The following SCAMP3 variants were observed in gnomAD, a reference collection of about 807,000 sequenced individuals.
SCAMP3 encodes the protein secretory carrier-associated membrane protein 3.
In SCAMP3, 30 loss-of-function variants were observed where a neutral mutation model predicts 44.1. That is an observed-to-expected ratio of 0.68 (90% CI 0.51 to 0.92). SCAMP3 has a LOEUF of 0.92. Among genes scored for constraint, SCAMP3 ranks in the 40% least tolerant of loss-of-function variants. The probability of loss-of-function intolerance (pLI) is 0.00; values close to 1 mark genes in which losing one functional copy is unlikely to be tolerated. For synonymous variants in SCAMP3, 168 were observed against 171.1 expected (o/e 0.98, Z 0.14); for missense variants, 394 against 440.0 (o/e 0.90, Z 0.93).
At chr1:155,256,519 C>T (rs1672801412) in intron 8 of SCAMP3, 100 bp from the exon 9 acceptor site, 5 of 1,408,334 alleles carry the variant, frequency 3.6e-6, no homozygotes, top group Non-Finnish European at 4.9e-6. Flanking sequence ...CTGCCCAGCA[C>T]ACACACTCAC....
chr1:155,257,892 T>G (rs1252691646), intron 5 of SCAMP3, among the ~76,000 whole-genome samples: 7 of 152,206 alleles, frequency 4.6e-5, no homozygotes, highest in Admixed American at 4.6e-4. Context: ...TCGCGCAGGC[T>G]GGAGTGCAGT....
In SCAMP3 at chr1:155,256,225, C is replaced by CT; in HGVS notation, c.*47dup. 1 of 1,511,836 alleles carries CT rather than the reference C, an allele frequency of 6.6e-7. No individual in the cohort carries two copies. Among genetic ancestry groups the CT allele is most frequent in the East Asian group, 2.3e-5 (1 of 43,308 alleles). 93.7% of individuals were successfully genotyped at this position (1,511,836 alleles called of 1,614,324 possible). A position where few individuals can be genotyped will look rare whatever the true frequency, so the allele number is the denominator to read the frequency against. On this transcript the variant is annotated 3_prime_UTR_variant, in exon 9 of 9. Coordinates refer to ENST00000302631, the MANE Select transcript of SCAMP3 (RefSeq NM_005698.4). ...GTCCCAGAGACCTTAGGGACGGGAGCTAAGTCAGCTCCCTCAAGTAGCAGG... is the reference window on the plus strand; with the variant it reads ...GTCCCAGAGACCTTAGGGACGGGAGCTTAAGTCAGCTCCCTCAAGTAGCAGG...
intron 1 of SCAMP3, 115 bp downstream of exon 1, chr1:155,261,971 G>C: frequency 9.3e-7 from 1 of 1,072,978 alleles, no homozygotes; most frequent in Non-Finnish European, 1.4e-6. Flanking sequence ...GTCACCCCAC[G>C]TGGCGGCTCT....
intron 5 of SCAMP3, among the ~76,000 whole-genome samples, chr1:155,257,886 G>C (rs572189271): frequency 5.3e-5 from 8 of 151,474 alleles, no homozygotes; most frequent in Non-Finnish European, 5.9e-5. Flanking sequence ...GCTCTGTCGC[G>C]CAGGCTGGAG....
chr1:155,259,753 C>T (rs763680286), intron 4 of SCAMP3, among the ~76,000 whole-genome samples: 47 of 152,274 alleles, frequency 3.1e-4, no homozygotes, highest in Non-Finnish European at 4.0e-4. Flanking sequence ...TTTAAAACAT[C>T]TAAGCACTGT....
At chr1:155,259,520 C>T (rs1220559790) in intron 4 of SCAMP3, among the ~76,000 whole-genome samples, 1 of 152,094 alleles carries the variant, frequency 6.6e-6, no homozygotes, top group Non-Finnish European at 1.5e-5. Context: ...TACCATCATG[C>T]CCTGCTAATT....
chr1:155,259,461 C>T (rs895316180), intron 4 of SCAMP3, among the ~76,000 whole-genome samples: 5 of 152,090 alleles, frequency 3.3e-5, no homozygotes, highest in South Asian at 2.1e-4. Context: ...TGAGCCCCGG[C>T]GCCTGGCCGT....
intron 1 of SCAMP3, 35 bp downstream of exon 1, chr1:155,262,051 T>C (rs2148125021): frequency 6.2e-7 from 1 of 1,604,842 alleles, no homozygotes; most frequent in East Asian, 2.2e-5. Context: ...AGAATCAACC[T>C]GACCGCCCAA....
chr1:155,257,459 C>T, intron 6 of SCAMP3, 39 bp downstream of exon 6: 2 of 1,611,890 alleles, frequency 1.2e-6, no homozygotes, highest in Non-Finnish European at 1.7e-6. Context: ...TGGGGCCCAT[C>T]CCAGGTCTCC....
At chr1:155,259,937 T>G (rs1557926315) in intron 4 of SCAMP3, among the ~76,000 whole-genome samples, 1 of 151,390 alleles carries the variant, frequency 6.6e-6, no homozygotes, top group Non-Finnish European at 1.5e-5. Context: ...GCAGTCTGAC[T>G]CCAGAGCCCA....
Position 155,257,651 on chromosome 1 carries a change from GT to G in SCAMP3, c.523del (p.Thr175ArgfsTer6). The G allele has an allele frequency of 6.4e-7, 1 of 1,557,932 alleles. No homozygotes were observed. Among genetic ancestry groups the G allele is most frequent in the South Asian group, 1.2e-5 (1 of 84,868 alleles). The part of the protein sequence containing the change: ...STMYYLWMCS[T>X]LALLLNFLAC... Reference sequence around the variant, plus strand: ...GAGGAAGTTCAGGAGAAGAGCCAGCGTGCTGCCTAAGGGGCAGAGGGACAGG... The same window carrying G: ...GAGGAAGTTCAGGAGAAGAGCCAGCGGCTGCCTAAGGGGCAGAGGGACAGG... On this transcript the variant is annotated frameshift_variant, in exon 6 of 9. Transcript: ENST00000302631. LOFTEE classifies it high-confidence loss of function.
At chr1:155,261,808 T>C in intron 1 of SCAMP3, 74 bp from the exon 2 acceptor site, 1 of 1,414,842 alleles carries the variant, frequency 7.1e-7, no homozygotes, top group South Asian at 1.1e-5. Context: ...ATTCCCAAAC[T>C]GCCTGTGGCT....
In SCAMP3 at chr1:155,261,672, AG is replaced by A. The variant is rs1557927531; in HGVS notation, c.128del (p.Pro43LeufsTer58). On this transcript the variant is annotated frameshift_variant, in exon 2 of 9. Transcript: ENST00000302631. LOFTEE classifies it high-confidence loss of function. ...AGTAGCTCACCTCCCGGGTCTCAAA[AG>A]GGTTGTAGACGTCAAGCGTGGCATA... ...RQYATLDVYN[P>X]FETREPPPAY... 5 of 1,613,754 alleles carry A rather than the reference AG, an allele frequency of 3.1e-6. No homozygotes were observed. The highest frequency in any genetic ancestry group is 8.5e-7 in the Non-Finnish European group (1 of 1,179,904).
intron 5 of SCAMP3, among the ~76,000 whole-genome samples, chr1:155,258,011 AT>A (rs61012301): frequency 0.37 from 52,153 of 139,310 alleles, 11,497 homozygotes; most frequent in East Asian, 0.69. Flanking sequence ...CGCCCAGCTA[AT>A]TTTTTTTTTT....
rs915665854 is a variant in SCAMP3 at position 155,260,342 on chromosome 1, C to A, written c.376G>T (p.Gly126Trp). 1.9e-6 allele frequency: 3 copies of A among 1,612,302 alleles called. No homozygotes were observed. Among genetic ancestry groups the A allele is most frequent in the Non-Finnish European group, 8.5e-7 (1 of 1,180,016 alleles). Residue 126 changes from glycine to tryptophan, a missense_variant, in exon 4 of 9, where the codon GGG becomes TGG. Coordinates refer to ENST00000302631, the MANE Select transcript of SCAMP3 (RefSeq NM_005698.4). ...CTCTATTACTTACTAGCTGTGCCCC[C>A]CAGGGCAGCATGCTGCAGCTCTCGC... Reference protein sequence around the residue: ...RERELQHAALGGTATRQNNWP... With the variant: ...RERELQHAALWGTATRQNNWP...
chr1:155,261,262 A>C, intron 2 of SCAMP3: 1 of 193,146 alleles, frequency 5.2e-6, no homozygotes, highest in East Asian at 1.3e-4. Flanking sequence ...AAAACCCCTT[A>C]AATTCTTACA....
intron 4 of SCAMP3, 92 bp from the exon 5 acceptor site, chr1:155,259,046 C>CTTTTTTT (rs34682738): frequency 8.2e-6 from 4 of 487,576 alleles, no homozygotes; most frequent in Non-Finnish European, 1.2e-5. Flanking sequence ...TGGATCCTCT[C>CTTTTTTT]TTTTTTTTTT....
At chr1:155,258,317 C>A (rs1192849577) in intron 5 of SCAMP3, among the ~76,000 whole-genome samples, 1 of 120,500 alleles carries the variant, frequency 8.3e-6, no homozygotes, top group Non-Finnish European at 1.7e-5. Flanking sequence ...CCGTGCCCGG[C>A]CTTTTTTTTT....
chr1:155,262,246 C>A lies in SCAMP3; in HGVS notation c.-95G>T. ...CCCTCAGAGTCCACTTCACTCGCCTCAGTTCGCCCCGCTTCTCTGTGCACG... is the reference window on the plus strand; with the variant it reads ...CCCTCAGAGTCCACTTCACTCGCCTAAGTTCGCCCCGCTTCTCTGTGCACG... On this transcript the variant is annotated 5_prime_UTR_variant, in exon 1 of 9. Coordinates refer to ENST00000302631, the MANE Select transcript of SCAMP3 (RefSeq NM_005698.4). The A allele has an allele frequency of 1.8e-6, 2 of 1,112,944 alleles. No homozygotes were observed. Among genetic ancestry groups the A allele is most frequent in the Non-Finnish European group, 2.6e-6 (2 of 766,872 alleles). The allele number at this position is 1,112,944 out of a possible 1,614,324, so 68.9% of individuals were successfully genotyped here.
Sources: allele counts gnomAD v4.1 joint callset (sites outside exome capture counted in the v4.1 genomes callset), GRCh38; gene constraint gnomAD v4.1.1; transcripts MANE v1.5; gene names NCBI Gene and HGNC (gene_info 2026-07-23, HGNC 2026-07-21).